The following KSR2 variants were observed in gnomAD, a reference collection of about 807,000 sequenced individuals.
KSR2 encodes the protein kinase suppressor of ras 2.
KSR2 carries 25 observed loss-of-function variants against 107.8 expected under a neutral mutation model. The observed-to-expected ratio is 0.23, with a 90% CI of 0.17 to 0.32. The LOEUF is 0.32. KSR2 is among the 10% of genes least tolerant of loss of function. The pLI is 1.00. For synonymous variants in KSR2, 480 were observed against 507.0 expected (o/e 0.95, Z 0.71); for missense variants, 887 against 1,268.9 (o/e 0.70, Z 4.57).
chr12:117,577,342 A>G (rs1449886109), intron 7 of KSR2, among the ~76,000 whole-genome samples: 1 of 138,228 alleles, frequency 7.2e-6, no homozygotes. Context: ...TACGTAATAC[A>G]TGTTTACAGA....
rs200857289 is a variant in KSR2, at chr12:117,870,600, C to CA, written c.181-10170dup. On this transcript the variant is annotated intron_variant, in intron 1 of 19. Coordinates refer to ENST00000339824, the MANE Select transcript of KSR2 (RefSeq NM_173598.6). ...GGCAAGACGGAGCGAGACACTGTCTCAAAAAGAAAAGAAAAGAAAAAAAAA... is the reference window on the plus strand; with the variant it reads ...GGCAAGACGGAGCGAGACACTGTCTCAAAAAAGAAAAGAAAAGAAAAAAAAA... Among the ~76,000 whole-genome samples, 1,047 of 148,992 alleles carry CA rather than the reference C, an allele frequency of 7.0e-3. 11 individuals are homozygous for CA. The highest frequency in any genetic ancestry group is 0.024 in the African/African-American group (971 of 39,986).
At chr12:117,883,875 C>CA (rs34939587) in intron 1 of KSR2, among the ~76,000 whole-genome samples, 48,205 of 93,462 alleles carry the variant, frequency 0.52, 12,697 homozygotes, top group Non-Finnish European at 0.62. Context: ...GTCTCCATCT[C>CA]AAAAAAAAAA....
chr12:117,739,944 C>T (rs556642926), intron 4 of KSR2, among the ~76,000 whole-genome samples: 121 of 150,398 alleles, frequency 8.0e-4, no homozygotes, highest in Non-Finnish European at 1.6e-3. Context: ...TTTCTTATTT[C>T]CATAGGCTTT....
At chr12:117,915,761 A>G (rs1007949531) in intron 1 of KSR2, among the ~76,000 whole-genome samples, 2 of 152,218 alleles carry the variant, frequency 1.3e-5, no homozygotes, top group African/African-American at 4.8e-5. Flanking sequence ...AGCCTTCTCC[A>G]AGACCTGAAG....
At chr12:117,624,707 G>C (rs1465572736) in intron 5 of KSR2, among the ~76,000 whole-genome samples, 1 of 152,046 alleles carries the variant, frequency 6.6e-6, no homozygotes, top group Non-Finnish European at 1.5e-5. Flanking sequence ...GCCATTTTTT[G>C]GTTCCATATG....
intron 14 of KSR2, among the ~76,000 whole-genome samples, chr12:117,506,624 G>T (rs997996262): frequency 6.6e-6 from 1 of 152,152 alleles, no homozygotes; most frequent in Non-Finnish European, 1.5e-5. Context: ...AATAAATGTA[G>T]TAGCCAGGAA....
intron 14 of KSR2, among the ~76,000 whole-genome samples, chr12:117,496,231 G>A (rs1402731289): frequency 6.6e-6 from 1 of 152,144 alleles, no homozygotes; most frequent in Non-Finnish European, 1.5e-5. Flanking sequence ...TAGGGAGGGA[G>A]TATTCCCACC....
intron 1 of KSR2, among the ~76,000 whole-genome samples, chr12:117,888,669 C>T (rs1272257101): frequency 2.0e-5 from 3 of 152,206 alleles, no homozygotes; most frequent in Non-Finnish European, 4.4e-5. Flanking sequence ...AGAGCCCTCA[C>T]CAGAACCTGG....
At chr12:117,914,348 G>T (rs61945386) in intron 1 of KSR2, among the ~76,000 whole-genome samples, 1 of 149,766 alleles carries the variant, frequency 6.7e-6, no homozygotes, top group Non-Finnish European at 1.5e-5. Context: ...AGAATCGCTC[G>T]AACCCAGGAG....
intron 16 of KSR2, 116 bp downstream of exon 16, chr12:117,484,300 C>T: frequency 8.3e-7 from 1 of 1,204,888 alleles, no homozygotes. Flanking sequence ...CCCCACTCAG[C>T]TCAGCAACCT....
intron 5 of KSR2, among the ~76,000 whole-genome samples, chr12:117,647,802 A>C (rs1272198693): frequency 6.6e-6 from 1 of 152,042 alleles, no homozygotes; most frequent in Admixed American, 6.6e-5. Context: ...AGCTCACTGC[A>C]ACTTCAATCC....
chr12:117,671,540 C>G (rs1474432835), intron 4 of KSR2, among the ~76,000 whole-genome samples: 2 of 152,218 alleles, frequency 1.3e-5, no homozygotes, highest in Non-Finnish European at 1.5e-5. Context: ...TACCAAATGA[C>G]TGTTCTGGAT....
intron 4 of KSR2, among the ~76,000 whole-genome samples, chr12:117,711,856 T>C (rs1295788745): frequency 1.3e-5 from 2 of 152,116 alleles, no homozygotes; most frequent in South Asian, 2.1e-4. Context: ...GACCCCTCTG[T>C]GGTTGGGTTG....
At chr12:117,742,662 T>G (rs1057179475) in intron 4 of KSR2, among the ~76,000 whole-genome samples, 11 of 152,200 alleles carry the variant, frequency 7.2e-5, no homozygotes, top group African/African-American at 2.7e-4. Flanking sequence ...CTTTGTAATG[T>G]TCTTATAACT....
chr12:117,663,013 A>G (rs2136470447), intron 5 of KSR2, among the ~76,000 whole-genome samples: 1 of 152,168 alleles, frequency 6.6e-6, no homozygotes, highest in South Asian at 2.1e-4. Context: ...ATAACAACAG[A>G]GTCTAGGTGG....
intron 2 of KSR2, among the ~76,000 whole-genome samples, chr12:117,856,842 C>A (rs1893119011): frequency 1.3e-5 from 2 of 152,134 alleles, no homozygotes; most frequent in South Asian, 4.1e-4. Flanking sequence ...CAAGATACAG[C>A]TCCCACATTA....
intron 3 of KSR2, among the ~76,000 whole-genome samples, chr12:117,801,417 C>A (rs1002189419): frequency 6.6e-6 from 1 of 152,030 alleles, no homozygotes; most frequent in Non-Finnish European, 1.5e-5. Flanking sequence ...GCGTGAGCCA[C>A]CACACCTGGC....
chr12:117,766,553 T>A (rs1889234366), intron 3 of KSR2, among the ~76,000 whole-genome samples: 1 of 152,114 alleles, frequency 6.6e-6, no homozygotes, highest in South Asian at 2.1e-4. Context: ...TTATGTGAAT[T>A]TTCCCTACAT....
intron 10 of KSR2, among the ~76,000 whole-genome samples, chr12:117,532,820 A>T (rs903269080): frequency 1.1e-4 from 17 of 152,192 alleles, no homozygotes; most frequent in Admixed American, 5.2e-4. Context: ...TGTGTCCTTA[A>T]GTAAATGAAG....
Sources: allele counts gnomAD v4.1 joint callset (sites outside exome capture counted in the v4.1 genomes callset), GRCh38; gene constraint gnomAD v4.1.1; transcripts MANE v1.5; gene names NCBI Gene and HGNC (gene_info 2026-07-23, HGNC 2026-07-21).